The following NEK7 variants were observed in gnomAD, a reference collection of about 807,000 sequenced individuals.
The protein encoded by NEK7 is NIMA related kinase 7.
A neutral mutation model predicts 44.6 loss-of-function variants in NEK7; 18 were observed. That is an observed-to-expected ratio of 0.40 (90% CI 0.28 to 0.60). The LOEUF (loss-of-function observed/expected upper bound fraction) is 0.60, where lower values mean the gene tolerates loss of function less well. Ranked by LOEUF, NEK7 falls within the 20% of genes least tolerant of loss-of-function variation. The pLI, the probability that NEK7 is intolerant of heterozygous loss-of-function variation, is 0.38. For synonymous variants in NEK7, 130 were observed against 121.1 expected, an observed-to-expected ratio of 1.07 and a Z score of -0.48; for missense variants, 256 against 366.5, an observed-to-expected ratio of 0.70 and a Z score of 2.46.
intron 9 of NEK7, among the ~76,000 whole-genome samples, chr1:198,303,885 T>C (rs1394032491): frequency 6.6e-6 from 1 of 152,142 alleles, no homozygotes; most frequent in Non-Finnish European, 1.5e-5. Context: ...CAATAATATA[T>C]AATTGTGCCA....
intron 5 of NEK7, 113 bp downstream of exon 5, chr1:198,264,348 G>A (rs534699755): frequency 9.1e-5 from 63 of 695,746 alleles, no homozygotes; most frequent in Non-Finnish European, 9.3e-5. Context: ...TCAATGCAAA[G>A]CTTATCTGAT....
intron 6 of NEK7, among the ~76,000 whole-genome samples, chr1:198,278,436 C>T (rs1188951093): frequency 6.7e-6 from 1 of 149,778 alleles, no homozygotes; most frequent in Non-Finnish European, 1.5e-5. Flanking sequence ...AGTGGTTGAG[C>T]AGAGTGTGTT....
intron 1 of NEK7, among the ~76,000 whole-genome samples, chr1:198,166,059 G>A (rs994670326): frequency 2.6e-5 from 4 of 152,190 alleles, no homozygotes; most frequent in Non-Finnish European, 4.4e-5. Context: ...CCTTCACAGA[G>A]CTGAAGGGAG....
chr1:198,201,548 A>C (rs116039221), intron 1 of NEK7, among the ~76,000 whole-genome samples: 4,461 of 152,258 alleles, frequency 0.029, 118 homozygotes, highest in African/African-American at 0.063. Context: ...CCCTTTACCA[A>C]AAGGTTGCTA....
At position 198,157,129 on chromosome 1, in the gene NEK7, G is replaced by C. The variant is rs1663912692; in HGVS notation, c.-176G>C. On this transcript the variant is annotated 5_prime_UTR_variant, in exon 1 of 10. Transcript: ENST00000367385. ...CCCCGCGCCTGCAGCGTCCGCCGGGGCGGCGCGGCGGGAGGTGGCCGACAG... is the reference window on the plus strand; with the variant it reads ...CCCCGCGCCTGCAGCGTCCGCCGGGCCGGCGCGGCGGGAGGTGGCCGACAG... The C allele has an allele frequency of 6.6e-6, 1 of 151,780 alleles. No individual in the cohort carries two copies. The highest frequency in any genetic ancestry group is 2.4e-5 in the African/African-American group (1 of 41,392). 9.4% of individuals were successfully genotyped at this position (151,780 alleles called of 1,614,324 possible).
intron 9 of NEK7, among the ~76,000 whole-genome samples, chr1:198,305,884 A>G (rs1182392326): frequency 6.6e-6 from 1 of 152,290 alleles, no homozygotes; most frequent in African/African-American, 2.4e-5. Context: ...TAACCTAACA[A>G]TCTATCTTTG....
At chr1:198,297,645 C>T (rs1654751676) in intron 9 of NEK7, among the ~76,000 whole-genome samples, 1 of 152,200 alleles carries the variant, frequency 6.6e-6, no homozygotes, top group African/African-American at 2.4e-5. Context: ...TTGTAATTTT[C>T]TATTTTGGCA....
At chr1:198,265,671 T>C (rs1653629286) in intron 5 of NEK7, among the ~76,000 whole-genome samples, 1 of 152,110 alleles carries the variant, frequency 6.6e-6, no homozygotes, top group Admixed American at 6.6e-5. Context: ...CTGTTTAGCT[T>C]CCTAGATTGT....
intron 1 of NEK7, among the ~76,000 whole-genome samples, chr1:198,173,365 G>T (rs1045666769): frequency 6.6e-6 from 1 of 151,366 alleles, no homozygotes; most frequent in Non-Finnish European, 1.5e-5. Context: ...GGAGTTTGAG[G>T]TTATAGTGAG....
At chr1:198,299,554 AAGAC>A (rs1654819236) in intron 9 of NEK7, among the ~76,000 whole-genome samples, 1 of 152,356 alleles carries the variant, frequency 6.6e-6, no homozygotes, top group African/African-American at 2.4e-5. Flanking sequence ...TTTTAATTAA[AAGAC>A]AGTTTATTTT....
chr1:198,217,098 T>C (rs1665943738), intron 1 of NEK7, among the ~76,000 whole-genome samples: 2 of 152,100 alleles, frequency 1.3e-5, no homozygotes, highest in African/African-American at 4.8e-5. Context: ...CCTGAACTCA[T>C]TTTATGAAGC....
At chr1:198,278,126 A>C (rs1048743240) in intron 6 of NEK7, 57 bp downstream of exon 6, 1 of 922,898 alleles carries the variant, frequency 1.1e-6, no homozygotes, top group South Asian at 1.4e-5. Context: ...AAGTTCTTCA[A>C]AGTAAATGTC....
intron 1 of NEK7, among the ~76,000 whole-genome samples, chr1:198,170,835 CTT>C (rs1558040217): frequency 1.3e-5 from 2 of 152,126 alleles, no homozygotes; most frequent in Non-Finnish European, 2.9e-5. Context: ...TTTATGATCT[CTT>C]TATTTGGTTT....
intron 9 of NEK7, among the ~76,000 whole-genome samples, chr1:198,305,510 G>T (rs1300990039): frequency 6.6e-6 from 1 of 151,972 alleles, no homozygotes; most frequent in Non-Finnish European, 1.5e-5. Flanking sequence ...AAACTTAGAG[G>T]TATTTCTTAT....
intron 1 of NEK7, among the ~76,000 whole-genome samples, chr1:198,182,035 C>G (rs16842527): frequency 0.15 from 22,621 of 151,520 alleles, 1,849 homozygotes; most frequent in East Asian, 0.22. Flanking sequence ...TTCAAATATG[C>G]GTAGATATTT....
intron 1 of NEK7, among the ~76,000 whole-genome samples, chr1:198,167,138 A>G (rs764151755): frequency 2.6e-5 from 4 of 152,152 alleles, no homozygotes; most frequent in South Asian, 2.1e-4. Context: ...ATTGGCAGCA[A>G]TCCTTGTCTT....
intron 1 of NEK7, among the ~76,000 whole-genome samples, chr1:198,210,889 A>G (rs1407074007): frequency 2.0e-5 from 3 of 150,260 alleles, no homozygotes; most frequent in African/African-American, 7.3e-5. Context: ...AGTAGCTGGG[A>G]CTACAGGCGC....
chr1:198,229,080 G>GA (rs1666312155), intron 1 of NEK7, among the ~76,000 whole-genome samples: 1 of 152,210 alleles, frequency 6.6e-6, no homozygotes, highest in African/African-American at 2.4e-5. Context: ...AAGCTGAACA[G>GA]ACAGGCCTGG....
intron 2 of NEK7, among the ~76,000 whole-genome samples, chr1:198,235,915 T>G (rs1163599772): frequency 1.3e-5 from 2 of 152,160 alleles, no homozygotes; most frequent in Non-Finnish European, 2.9e-5. Flanking sequence ...TCTTACAGTG[T>G]GGAAAGTATG....
Sources: allele counts gnomAD v4.1 joint callset (sites outside exome capture counted in the v4.1 genomes callset), GRCh38; gene constraint gnomAD v4.1.1; transcripts MANE v1.5; gene names NCBI Gene and HGNC (gene_info 2026-07-23, HGNC 2026-07-21).